The following NBAS variants were observed in gnomAD, a reference collection of about 807,000 sequenced individuals.
NBAS encodes NAG/BC035112 fusion.
In NBAS, 219 loss-of-function variants were observed where a neutral mutation model predicts 302.5. The observed-to-expected ratio is 0.72, with a 90% CI of 0.65 to 0.81. NBAS has a LOEUF of 0.81. Among genes scored for constraint, NBAS ranks in the 30% least tolerant of loss-of-function variants. The pLI, the probability that NBAS is intolerant of heterozygous loss-of-function variation, is 0.00. For synonymous variants in NBAS, 1,118 were observed against 1,021.6 expected (o/e 1.09, Z -1.80); for missense variants, 2,932 against 2,841.6 (o/e 1.03, Z -0.72).
In NBAS at chr2:15,275,646, C is replaced by T; in HGVS notation, c.5562G>A (p.Leu1854=). The T allele has an allele frequency of 6.2e-7, 1 of 1,614,184 alleles. No homozygotes were observed. ...SSLYTIWLQK[L]FWTGDPHLIK... is the part of the protein sequence containing the mutation. Reference sequence around the variant, plus strand: ...TGAGATGAGGGTCTCCAGTCCAGAACAACTTCTGTAACCAGATGGTGTACA... The same window carrying T: ...TGAGATGAGGGTCTCCAGTCCAGAATAACTTCTGTAACCAGATGGTGTACA... Residue 1854 remains leucine, a synonymous_variant, in exon 44 of 52, where the codon TTG becomes TTA. Coordinates refer to ENST00000281513, the MANE Select transcript of NBAS (RefSeq NM_015909.4).
chr2:14,874,619 G>A, the NBAS span, among the ~76,000 whole-genome samples: 7 of 144,322 alleles, frequency 4.9e-5, no homozygotes, highest in African/African-American at 1.9e-4. Flanking sequence ...CAGCCTGGAC[G>A]ACAAAGCGAG....
At chr2:14,814,011 G>T in the NBAS span, among the ~76,000 whole-genome samples, 1 of 152,176 alleles carries the variant, frequency 6.6e-6, no homozygotes, top group Non-Finnish European at 1.5e-5. Context: ...GTAGAACTCA[G>T]GACTTAGTGG....
the NBAS span, among the ~76,000 whole-genome samples, chr2:14,939,412 AC>A: frequency 6.6e-6 from 1 of 152,208 alleles, no homozygotes; most frequent in Non-Finnish European, 1.5e-5. Flanking sequence ...TACTTGCAAA[AC>A]TTTTCTTCAG....
In NBAS at chr2:15,201,486, G is replaced by A. The variant is rs892723487; in HGVS notation, c.6433-11083C>T. Among the ~76,000 whole-genome samples the A allele has an allele frequency of 4.6e-5, 7 of 152,144 alleles. No individual in the cohort carries two copies. The East Asian group carries it at 7.7e-4, about 17-fold the overall frequency. On this transcript the variant is annotated intron_variant, in intron 48 of 51. Coordinates refer to ENST00000281513, the MANE Select transcript of NBAS (RefSeq NM_015909.4). ...AGAAGACCAAAACCAGTCATAAGCT[G>A]TTGACTACCAACATTCCCCACCAAT...
downstream of NBAS, among the ~76,000 whole-genome samples, chr2:15,165,244 C>G (rs1171884307): frequency 6.6e-6 from 1 of 152,232 alleles, no homozygotes; most frequent in African/African-American, 2.4e-5. Flanking sequence ...CTAGGAGTGG[C>G]TTGACCCACA....
chr2:15,253,605 C>G (rs1558477473), intron 44 of NBAS, among the ~76,000 whole-genome samples: 1 of 152,182 alleles, frequency 6.6e-6, no homozygotes, highest in Admixed American at 6.5e-5. Flanking sequence ...TCCACCTTCT[C>G]TAAGTATTCT....
chr2:15,181,038 T>C (rs1456579963), intron 50 of NBAS, among the ~76,000 whole-genome samples: 2 of 152,268 alleles, frequency 1.3e-5, no homozygotes, highest in South Asian at 2.1e-4. Flanking sequence ...TCTTGTATTA[T>C]GGTAGTCATT....
intron 25 of NBAS, among the ~76,000 whole-genome samples, chr2:15,409,787 T>C (rs2148447153): frequency 6.6e-6 from 1 of 152,326 alleles, no homozygotes; most frequent in Non-Finnish European, 1.5e-5. Flanking sequence ...CAAAGTTTAG[T>C]TTCCTTTTGT....
chr2:15,201,362 C>T (rs919784262), intron 48 of NBAS, among the ~76,000 whole-genome samples: 12 of 152,212 alleles, frequency 7.9e-5, no homozygotes, highest in African/African-American at 2.7e-4. Context: ...TACCAGACCT[C>T]TGCCTGTTAA....
chr2:15,439,533 T>C (rs1301550846), intron 21 of NBAS, among the ~76,000 whole-genome samples: 1 of 151,612 alleles, frequency 6.6e-6, no homozygotes, highest in African/African-American at 2.4e-5. Context: ...ACAGCTCTGG[T>C]TGCAAACAGC....
chr2:14,864,320 CAAAAAAAAAA>C, the NBAS span, among the ~76,000 whole-genome samples: 1 of 68,014 alleles, frequency 1.5e-5, no homozygotes, highest in African/African-American at 4.7e-5. Flanking sequence ...GGCTCCATCT[CAAAAAAAAAA>C]AAAAAAAAGA....
At chr2:15,095,640 C>T in the NBAS span, among the ~76,000 whole-genome samples, 2 of 152,210 alleles carry the variant, frequency 1.3e-5, no homozygotes, top group Non-Finnish European at 2.9e-5. Context: ...GGTGCTCTTT[C>T]TGCCTTCCCC....
At chr2:14,965,287 CT>C in the NBAS span, among the ~76,000 whole-genome samples, 2 of 152,082 alleles carry the variant, frequency 1.3e-5, no homozygotes, top group African/African-American at 4.8e-5. Context: ...GAGACCCCCC[CT>C]ACCCAGACTG....
chr2:15,067,687 C>G, the NBAS span, among the ~76,000 whole-genome samples: 1 of 151,900 alleles, frequency 6.6e-6, no homozygotes, highest in Non-Finnish European at 1.5e-5. Flanking sequence ...GAGGGGGAAA[C>G]GTGAAGTTGC....
At chr2:15,050,280 T>G in the NBAS span, among the ~76,000 whole-genome samples, 1 of 152,152 alleles carries the variant, frequency 6.6e-6, no homozygotes. Context: ...TTCTTTCTCT[T>G]TTTTTCTTTT....
At chr2:14,875,019 A>G in the NBAS span, among the ~76,000 whole-genome samples, 2 of 151,864 alleles carry the variant, frequency 1.3e-5, no homozygotes, top group African/African-American at 4.9e-5. Context: ...AAAAAGTGTA[A>G]TCTACAAAAA....
At chr2:14,848,778 T>A in the NBAS span, among the ~76,000 whole-genome samples, 7 of 151,774 alleles carry the variant, frequency 4.6e-5, no homozygotes, top group South Asian at 1.0e-3. Flanking sequence ...CCCTGACCCC[T>A]GAGCAGCCTA....
At chr2:15,553,591 T>C in intron 4 of NBAS, 118 bp from the exon 5 acceptor site, 1 of 934,652 alleles carries the variant, frequency 1.1e-6, no homozygotes, top group Non-Finnish European at 1.7e-6. Context: ...TCACATGCTT[T>C]AATTATCCAT....
chr2:15,212,424 G>A (rs969896541), intron 48 of NBAS, among the ~76,000 whole-genome samples: 2 of 152,158 alleles, frequency 1.3e-5, no homozygotes, highest in African/African-American at 4.8e-5. Flanking sequence ...TTTGGTGGCT[G>A]TTGTCTTCAT....
Sources: gnomAD v4.1 joint callset for allele counts (sites outside exome capture counted in the v4.1 genomes callset) on GRCh38, gnomAD v4.1.1 for gene constraint, MANE v1.5 for transcripts, NCBI Gene and HGNC (gene_info 2026-07-23, HGNC 2026-07-21) for gene names.